CADM2: variants seen among roughly 807,000 people sequenced by gnomAD.
The protein encoded by CADM2 is immunoglobulin superfamily member 4D.
Under a neutral mutation model 49.8 loss-of-function variants are expected in CADM2, and 12 were observed. The observed-to-expected ratio is 0.24, with a 90% confidence interval of 0.15 to 0.39. The LOEUF is 0.39. CADM2 is among the 10% of genes least tolerant of loss of function. CADM2 has a pLI of 1.00. For missense variants in CADM2, 378 were observed against 492.3 expected (o/e 0.77, Z 2.20); for synonymous variants, 214 against 175.4 (o/e 1.22, Z -1.74).
At chr3:85,631,214 C>G (rs73141352) in intron 1 of CADM2, among the ~76,000 whole-genome samples, 1 of 152,014 alleles carries the variant, frequency 6.6e-6, no homozygotes, top group Non-Finnish European at 1.5e-5. Flanking sequence ...TCTGAAAACT[C>G]TACCTGAACT....
At chr3:85,613,236 T>A (rs1192361479) in intron 1 of CADM2, among the ~76,000 whole-genome samples, 1 of 151,670 alleles carries the variant, frequency 6.6e-6, no homozygotes, top group East Asian at 1.9e-4. Flanking sequence ...CTATCTAAAC[T>A]TTTATTTTAA....
intron 8 of CADM2, chr3:86,014,194 G>A (rs1731913829): frequency 1.5e-6 from 2 of 1,294,936 alleles, no homozygotes; most frequent in South Asian, 3.2e-5. Flanking sequence ...GGTATAAATA[G>A]TGACACAAAT....
At chr3:85,863,581 A>G (rs1040487840) in intron 3 of CADM2, among the ~76,000 whole-genome samples, 1 of 152,128 alleles carries the variant, frequency 6.6e-6, no homozygotes, top group Non-Finnish European at 1.5e-5. Context: ...CTGCCCCAGG[A>G]TAATGCAGCA....
intron 1 of CADM2, among the ~76,000 whole-genome samples, chr3:85,311,287 A>T (rs1490968646): frequency 1.3e-5 from 2 of 151,982 alleles, no homozygotes; most frequent in African/African-American, 4.8e-5. Flanking sequence ...CTATCTACAT[A>T]AAAACTGAAA....
chr3:84,997,118 A>G (rs1212848154), intron 1 of CADM2, among the ~76,000 whole-genome samples: 1 of 152,110 alleles, frequency 6.6e-6, no homozygotes, highest in Non-Finnish European at 1.5e-5. Context: ...CTCTGTCTCA[A>G]TAGTGTTTAG....
At chr3:85,415,328 G>T (rs2107481465) in intron 1 of CADM2, among the ~76,000 whole-genome samples, 1 of 151,508 alleles carries the variant, frequency 6.6e-6, no homozygotes, top group Middle Eastern at 3.4e-3. Flanking sequence ...TCTGATCAAA[G>T]AAGTCTAAGT....
chr3:85,464,259 T>C (rs2038388603), intron 1 of CADM2, among the ~76,000 whole-genome samples: 1 of 152,162 alleles, frequency 6.6e-6, no homozygotes, highest in South Asian at 2.1e-4. Flanking sequence ...AAAACTGATA[T>C]TTCCTTTTCT....
intron 5 of CADM2, among the ~76,000 whole-genome samples, chr3:85,899,321 A>T (rs1202999038): frequency 4.6e-5 from 7 of 151,998 alleles, no homozygotes; most frequent in Non-Finnish European, 1.0e-4. Context: ...TATGTGAGAA[A>T]TTTTTATCTA....
chr3:85,793,518 A>G (rs2071456546), intron 2 of CADM2, among the ~76,000 whole-genome samples: 3 of 152,154 alleles, frequency 2.0e-5, no homozygotes, highest in Admixed American at 6.5e-5. Flanking sequence ...ATGTTTACCA[A>G]CATGCTCTAT....
At chr3:86,002,166 T>C (rs763323282) in intron 8 of CADM2, among the ~76,000 whole-genome samples, 2 of 152,104 alleles carry the variant, frequency 1.3e-5, no homozygotes. Flanking sequence ...AGATTCAAAG[T>C]AAGAAGATAT....
chr3:85,372,519 T>A lies in CADM2; in HGVS notation c.62-354003T>A, dbSNP rs372040480. On this transcript the variant is annotated intron_variant, in intron 1 of 9. Transcript: ENST00000383699. Reference sequence around the variant, plus strand: ...TTCTTTATAGTTATCCACACCCAATTTACAAGGTCATCTAGAAACAATTTT... The same window carrying A: ...TTCTTTATAGTTATCCACACCCAATATACAAGGTCATCTAGAAACAATTTT... Among the ~76,000 whole-genome samples the A allele has an allele frequency of 3.7e-4, 57 of 152,064 alleles. 1 individual carries two copies. The highest frequency in any genetic ancestry group is 3.5e-3 in the East Asian group (18 of 5,174).
chr3:85,180,555 A>G (rs915226767), intron 1 of CADM2, among the ~76,000 whole-genome samples: 5 of 150,496 alleles, frequency 3.3e-5, no homozygotes, highest in Admixed American at 2.7e-4. Flanking sequence ...AGAAAAAATG[A>G]CCACCCTACC....
intron 1 of CADM2, among the ~76,000 whole-genome samples, chr3:85,433,993 T>A (rs2036810098): frequency 6.6e-6 from 1 of 152,108 alleles, no homozygotes; most frequent in Admixed American, 6.6e-5. Flanking sequence ...CTACCATAAT[T>A]CCTGACACCT....
intron 3 of CADM2, among the ~76,000 whole-genome samples, chr3:85,833,062 A>G (rs983641628): frequency 1.3e-5 from 2 of 151,644 alleles, no homozygotes; most frequent in Non-Finnish European, 3.0e-5. Flanking sequence ...ATTTATCAAA[A>G]GCATTTCTGC....
chr3:85,041,538 C>T (rs1288149955), intron 1 of CADM2, among the ~76,000 whole-genome samples: 1 of 152,094 alleles, frequency 6.6e-6, no homozygotes, highest in African/African-American at 2.4e-5. Flanking sequence ...ATGACTTTTC[C>T]ACCTTTATAT....
intron 8 of CADM2, among the ~76,000 whole-genome samples, chr3:85,995,473 A>C (rs1431645087): frequency 6.6e-6 from 1 of 152,184 alleles, no homozygotes; most frequent in Non-Finnish European, 1.5e-5. Flanking sequence ...AATACCCCTG[A>C]ATAATTTTAA....
chr3:85,233,038 G>T (rs1452051289), intron 1 of CADM2, among the ~76,000 whole-genome samples: 1 of 152,112 alleles, frequency 6.6e-6, no homozygotes, highest in African/African-American at 2.4e-5. Context: ...AATTCATATA[G>T]TGGAATATTA....
chr3:85,841,883 G>A (rs961358325), intron 3 of CADM2, among the ~76,000 whole-genome samples: 1 of 151,828 alleles, frequency 6.6e-6, no homozygotes, highest in Admixed American at 6.6e-5. Flanking sequence ...TCCTTGGTAT[G>A]CCTTTATTGA....
intron 3 of CADM2, among the ~76,000 whole-genome samples, chr3:85,848,493 T>A (rs1327418540): frequency 1.3e-5 from 2 of 152,148 alleles, no homozygotes; most frequent in African/African-American, 4.8e-5. Context: ...GAATTTGATT[T>A]TTCAGTGAGT....
Sources: allele counts gnomAD v4.1 joint callset (sites outside exome capture counted in the v4.1 genomes callset), GRCh38; gene constraint gnomAD v4.1.1; transcripts MANE v1.5; gene names NCBI Gene and HGNC (gene_info 2026-07-23, HGNC 2026-07-21).